Variants in ZFP2 observed in about 807,000 individuals in gnomAD.
ZFP2 encodes the protein ZFP2 zinc finger protein, also known as zinc finger protein ZFP2.
A neutral mutation model predicts 36.1 loss-of-function variants in ZFP2; 33 were observed. That is an observed-to-expected ratio of 0.92 (90% CI 0.69 to 1.22). The LOEUF is 1.22. Among genes scored for constraint, ZFP2 ranks in the 50% most tolerant of loss-of-function variants. ZFP2 has a pLI of 0.00. For missense variants in ZFP2, 522 were observed against 551.4 expected (o/e 0.95, Z 0.53); for synonymous variants, 170 against 178.0 (o/e 0.96, Z 0.36).
At chr5:178,929,942 TGGG>T (rs66712212) in intron 4 of ZFP2, among the ~76,000 whole-genome samples, 48 of 131,900 alleles carry the variant, frequency 3.6e-4, no homozygotes, top group African/African-American at 7.7e-4. Flanking sequence ...TGCTTGACGG[TGGG>T]GGGGGGGGCT....
Position 178,931,863 on chromosome 5 carries a change from A to G in ZFP2, c.550A>G (p.Lys184Glu). ...TVHQRTHTGEKPYQCKECGKA... is the reference protein window; with the variant it reads ...TVHQRTHTGEEPYQCKECGKA... ...CCATCAACGAACTCACACCGGAGAGAAACCCTATCAGTGTAAAGAGTGTGG... is the reference window on the plus strand; with the variant it reads ...CCATCAACGAACTCACACCGGAGAGGAACCCTATCAGTGTAAAGAGTGTGG... The change falls in exon 5 of 5, where the codon AAA becomes GAA. Residue 184 changes from lysine (K) to glutamate (E), a missense_variant. Coordinates refer to ENST00000361362, the MANE Select transcript of ZFP2 (RefSeq NM_030613.4). 1 of 1,612,934 alleles carries G rather than the reference A, an allele frequency of 6.2e-7. No individual in the cohort carries two copies. Among genetic ancestry groups the G allele is most frequent in the Non-Finnish European group, 8.5e-7 (1 of 1,179,034 alleles).
At position 178,932,124 on chromosome 5, in the gene ZFP2, G is replaced by C. The variant is rs763065466; in HGVS notation, c.811G>C (p.Glu271Gln). ...QRSHTGEKPY[E>Q]CSQCGKAFSK... ...AAGCCATACTGGAGAAAAACCCTAT[G>C]AGTGTAGTCAATGTGGAAAAGCCTT... Residue 271 changes from glutamate (E) to glutamine (Q), a missense_variant, in exon 5 of 5, where the codon GAG (glutamate) becomes CAG (glutamine). Transcript: ENST00000361362. 6.2e-7 allele frequency: 1 copy of C among 1,612,792 alleles called. No homozygotes were observed. The highest frequency in any genetic ancestry group is 1.1e-5 in the South Asian group (1 of 90,970).
At chr5:178,896,078 T>G (rs1464045704) in intron 1 of ZFP2, 104 bp downstream of exon 1, 1 of 152,152 alleles carries the variant, frequency 6.6e-6, no homozygotes, top group Non-Finnish European at 1.5e-5. Flanking sequence ...TTCCTGAGGG[T>G]TGAGGGGCGG....
At chr5:178,912,308 G>T (rs1442635394) in intron 1 of ZFP2, among the ~76,000 whole-genome samples, 1 of 152,174 alleles carries the variant, frequency 6.6e-6, no homozygotes, top group African/African-American at 2.4e-5. Context: ...TGAATAGGAG[G>T]TGATCACAAC....
intron 1 of ZFP2, among the ~76,000 whole-genome samples, chr5:178,906,397 C>T (rs956081090): frequency 2.6e-5 from 4 of 152,158 alleles, no homozygotes; most frequent in Middle Eastern, 3.2e-3. Flanking sequence ...TATCTGATAA[C>T]GTTATTCTCA....
At chr5:178,900,423 C>T (rs1758031547) in intron 1 of ZFP2, among the ~76,000 whole-genome samples, 1 of 82,692 alleles carries the variant, frequency 1.2e-5, no homozygotes, top group East Asian at 3.7e-4. Context: ...ACTTCTACTC[C>T]ATGTCCCCCA....
intron 1 of ZFP2, among the ~76,000 whole-genome samples, chr5:178,896,494 G>A (rs1454559762): frequency 2.6e-5 from 4 of 152,174 alleles, no homozygotes; most frequent in South Asian, 2.1e-4. Flanking sequence ...TGTAAACCGG[G>A]TCTCCGGACC....
intron 4 of ZFP2, among the ~76,000 whole-genome samples, chr5:178,921,371 G>A (rs1486572605): frequency 7.8e-6 from 1 of 128,640 alleles, no homozygotes; most frequent in African/African-American, 2.6e-5. Flanking sequence ...CCATCCCTAT[G>A]TAGAGCCAAG....
At chr5:178,917,486 G>GC (rs1206737428) in intron 4 of ZFP2, among the ~76,000 whole-genome samples, 1 of 152,040 alleles carries the variant, frequency 6.6e-6, no homozygotes, top group African/African-American at 2.4e-5. Context: ...ATGGTGGCAC[G>GC]TACCTATAAT....
rs774186641 is a variant in ZFP2 at position 178,932,106 on chromosome 5, A to T, written c.793A>T (p.Thr265Ser). ...MHLIVHQRSHTGEKPYECSQC... is the reference protein window; with the variant it reads ...MHLIVHQRSHSGEKPYECSQC... Reference sequence around the variant, plus strand: ...TCTTATTGTACATCAGAGAAGCCATACTGGAGAAAAACCCTATGAGTGTAG... The same window carrying T: ...TCTTATTGTACATCAGAGAAGCCATTCTGGAGAAAAACCCTATGAGTGTAG... The change falls in exon 5 of 5, where the codon ACT becomes TCT. Residue 265 changes from threonine to serine, a missense_variant. Physicochemically the swap from Thr to Ser is moderately conservative, Grantham distance 58 (BLOSUM62 1). Coordinates refer to ENST00000361362, the MANE Select transcript of ZFP2 (RefSeq NM_030613.4). 5 of 1,612,058 alleles carry T rather than the reference A, an allele frequency of 3.1e-6. No homozygotes were observed. The Admixed American group carries it at 8.3e-5, about 27-fold the overall frequency.
At chr5:178,922,658 C>A in intron 4 of ZFP2, 1 of 1,586,788 alleles carries the variant, frequency 6.3e-7, no homozygotes, top group South Asian at 1.1e-5. Flanking sequence ...ACGTGGCTGG[C>A]CTTGTTATTT....
At chr5:178,896,858 T>G (rs532146852) in intron 1 of ZFP2, among the ~76,000 whole-genome samples, 1 of 152,284 alleles carries the variant, frequency 6.6e-6, no homozygotes, top group East Asian at 1.9e-4. Flanking sequence ...TTGTAATTTT[T>G]TACTGGCCTA....
chr5:178,905,105 T>A (rs1758143124), intron 1 of ZFP2, among the ~76,000 whole-genome samples: 1 of 152,218 alleles, frequency 6.6e-6, no homozygotes, highest in Non-Finnish European at 1.5e-5. Flanking sequence ...ATTATGAAGT[T>A]CCAACAGTAA....
intron 3 of ZFP2, among the ~76,000 whole-genome samples, chr5:178,914,188 A>G (rs1284881070): frequency 6.6e-6 from 1 of 152,148 alleles, no homozygotes; most frequent in East Asian, 1.9e-4. Flanking sequence ...TTTTTAAATT[A>G]AAGAGATAGG....
At position 178,918,974 on chromosome 5, in the gene ZFP2, A is replaced by G. The variant is rs918330357; in HGVS notation, c.-78+2264A>G. Among the ~76,000 whole-genome samples the G allele has an allele frequency of 5.9e-5, 9 of 152,248 alleles. No homozygotes were observed. The East Asian group carries it at 1.4e-3, about 23-fold the overall frequency. On this transcript the variant is annotated intron_variant, in intron 4 of 4. Transcript: ENST00000361362. ...AGTAAAGCCCCCCTAACCGTTTTTC[A>G]TTTTGTAGGTAGACAGTTATATAAT...
chr5:178,914,909 A>G (rs1758385706), intron 3 of ZFP2, among the ~76,000 whole-genome samples: 1 of 152,188 alleles, frequency 6.6e-6, no homozygotes, highest in Non-Finnish European at 1.5e-5. Flanking sequence ...ATTGTGTGGC[A>G]TTGTTTGAAG....
intron 1 of ZFP2, among the ~76,000 whole-genome samples, chr5:178,897,527 C>T (rs1029254707): frequency 1.3e-5 from 2 of 151,848 alleles, no homozygotes; most frequent in Non-Finnish European, 2.9e-5. Flanking sequence ...TCTCTTAGTA[C>T]TTTCATTTTT....
intron 4 of ZFP2, among the ~76,000 whole-genome samples, chr5:178,928,221 T>C (rs1053723289): frequency 1.3e-5 from 2 of 152,064 alleles, no homozygotes; most frequent in Non-Finnish European, 2.9e-5. Flanking sequence ...TGAAATCATA[T>C]CATTCTGCCC....
intron 1 of ZFP2, among the ~76,000 whole-genome samples, chr5:178,897,935 T>A (rs956805322): frequency 2.6e-5 from 4 of 152,334 alleles, no homozygotes; most frequent in East Asian, 1.9e-4. Flanking sequence ...TATTCTTTTT[T>A]AAAAAAGTCT....
Sources: gnomAD v4.1 joint callset for allele counts (sites outside exome capture counted in the v4.1 genomes callset) on GRCh38, gnomAD v4.1.1 for gene constraint, MANE v1.5 for transcripts, NCBI Gene and HGNC (gene_info 2026-07-23, HGNC 2026-07-21) for gene names.